Variants in RALYL observed in about 807,000 individuals in gnomAD.
RALYL encodes the protein RNA-binding Raly-like protein.
Under a neutral mutation model 35.1 loss-of-function variants are expected in RALYL, and 29 were observed. That is an observed-to-expected ratio of 0.83 (90% confidence interval 0.61 to 1.13). The LOEUF is 1.13. Ranked by LOEUF, RALYL falls within the 50% of genes most tolerant of loss-of-function variation. The pLI, the probability that RALYL is intolerant of heterozygous loss-of-function variation, is 0.00. For synonymous variants in RALYL, 120 were observed against 127.6 expected, an observed-to-expected ratio of 0.94 and a Z score of 0.40; for missense variants, 359 against 360.4, an observed-to-expected ratio of 1.00 and a Z score of 0.03.
intron 1 of RALYL, among the ~76,000 whole-genome samples, chr8:84,207,808 G>C (rs1165071106): frequency 7.2e-6 from 1 of 138,648 alleles, no homozygotes; most frequent in African/African-American, 2.8e-5. Flanking sequence ...ATGTGTGTGT[G>C]TGTGTGTGTG....
intron 1 of RALYL, among the ~76,000 whole-genome samples, chr8:84,512,625 G>T (rs751605561): frequency 6.6e-6 from 1 of 152,116 alleles, no homozygotes; most frequent in Admixed American, 6.6e-5. Context: ...GTCCAGGAGT[G>T]ATTCCCTTAT....
At chr8:84,560,748 G>A (rs551772971) in intron 2 of RALYL, among the ~76,000 whole-genome samples, 79 of 151,756 alleles carry the variant, frequency 5.2e-4, no homozygotes, top group Non-Finnish European at 8.7e-4. Flanking sequence ...CGGATGCTTG[G>A]GTTGACCACC....
chr8:84,767,217 C>T (rs1317807418), intron 2 of RALYL, among the ~76,000 whole-genome samples: 1 of 152,164 alleles, frequency 6.6e-6, no homozygotes, highest in African/African-American at 2.4e-5. Context: ...TTTGCTTCAT[C>T]TCATTTGCCT....
intron 2 of RALYL, among the ~76,000 whole-genome samples, chr8:84,688,898 G>C (rs60158016): frequency 6.6e-6 from 1 of 151,900 alleles, no homozygotes; most frequent in Admixed American, 6.6e-5. Flanking sequence ...TTAAGAAATG[G>C]TTAAAGGGAT....
chr8:84,703,959 G>A (rs1004886628), intron 2 of RALYL, among the ~76,000 whole-genome samples: 4 of 152,120 alleles, frequency 2.6e-5, no homozygotes, highest in African/African-American at 9.7e-5. Context: ...GAGAACTCAC[G>A]TAATGAGAGA....
chr8:84,839,420 G>A (rs1166630059), intron 4 of RALYL, among the ~76,000 whole-genome samples: 1 of 152,242 alleles, frequency 6.6e-6, no homozygotes, highest in East Asian at 1.9e-4. Context: ...GAAGCTGGGG[G>A]AGGGATGCCC....
intron 2 of RALYL, among the ~76,000 whole-genome samples, chr8:84,604,457 A>G (rs958832265): frequency 1.3e-5 from 2 of 152,132 alleles, no homozygotes; most frequent in South Asian, 2.1e-4. Flanking sequence ...AAATGTACTG[A>G]CAACTGTCCC....
At chr8:84,484,097 A>C (rs1456325038) in intron 1 of RALYL, among the ~76,000 whole-genome samples, 3 of 152,182 alleles carry the variant, frequency 2.0e-5, no homozygotes, top group African/African-American at 7.2e-5. Flanking sequence ...CTTAGAAATC[A>C]AGAGAAAAGG....
chr8:84,476,926 T>TG (rs1716926089), intron 1 of RALYL, among the ~76,000 whole-genome samples: 11 of 152,208 alleles, frequency 7.2e-5, no homozygotes, highest in Admixed American at 3.9e-4. Context: ...GACTCTGTTA[T>TG]ATCAGATTTT....
At chr8:84,387,259 G>A (rs542122772) in intron 1 of RALYL, among the ~76,000 whole-genome samples, 30 of 151,838 alleles carry the variant, frequency 2.0e-4, no homozygotes, top group African/African-American at 6.0e-4. Flanking sequence ...TCTGTAATCC[G>A]TATGTAATGA....
At chr8:84,210,244 A>C (rs10112178) in intron 1 of RALYL, among the ~76,000 whole-genome samples, 35,715 of 151,984 alleles carry the variant, frequency 0.23, 4,326 homozygotes, top group Non-Finnish European at 0.27. Context: ...ATATATGTAT[A>C]TTCTTAATTA....
chr8:84,759,658 T>G (rs766401273), intron 2 of RALYL, among the ~76,000 whole-genome samples: 1 of 152,214 alleles, frequency 6.6e-6, no homozygotes, highest in Non-Finnish European at 1.5e-5. Flanking sequence ...TGTGGTCTTA[T>G]GCAGGTTACT....
At chr8:84,514,572 G>T (rs764939619) in intron 1 of RALYL, among the ~76,000 whole-genome samples, 1 of 152,136 alleles carries the variant, frequency 6.6e-6, no homozygotes, top group South Asian at 2.1e-4. Context: ...GGTCTAGTTT[G>T]TTCCTTCCAA....
At chr8:84,715,559 A>G (rs1233215132) in intron 2 of RALYL, among the ~76,000 whole-genome samples, 1 of 152,052 alleles carries the variant, frequency 6.6e-6, no homozygotes, top group Non-Finnish European at 1.5e-5. Context: ...GGAAAGTTTT[A>G]CATAAATATA....
chr8:84,778,616 A>G (rs912946660), intron 3 of RALYL, among the ~76,000 whole-genome samples: 6 of 151,740 alleles, frequency 4.0e-5, no homozygotes, highest in African/African-American at 1.4e-4. Context: ...GAAGGGAAAG[A>G]GAGAGGGAAG....
At chr8:84,513,866 C>T (rs1051243258) in intron 1 of RALYL, among the ~76,000 whole-genome samples, 4 of 151,774 alleles carry the variant, frequency 2.6e-5, no homozygotes, top group African/African-American at 9.7e-5. Context: ...GAGGCCGAGG[C>T]AGGTGGATCA....
chr8:84,682,445 A>C (rs1026512622), intron 2 of RALYL, among the ~76,000 whole-genome samples: 3 of 152,214 alleles, frequency 2.0e-5, no homozygotes, highest in African/African-American at 7.2e-5. Flanking sequence ...CTCTGGTAGA[A>C]TTCGGCTGCG....
At chr8:84,428,225 T>C (rs1406901429) in intron 1 of RALYL, among the ~76,000 whole-genome samples, 4 of 152,158 alleles carry the variant, frequency 2.6e-5, no homozygotes, top group Non-Finnish European at 5.9e-5. Flanking sequence ...TAGTTATAGT[T>C]TTCTTTTGCT....
intron 2 of RALYL, among the ~76,000 whole-genome samples, chr8:84,734,998 GAT>G (rs1846962344): frequency 8.1e-6 from 1 of 123,664 alleles, no homozygotes; most frequent in South Asian, 2.8e-4. Context: ...GAAATATATA[GAT>G]ATGTTTGTGT....
Sources: allele counts gnomAD v4.1 joint callset (sites outside exome capture counted in the v4.1 genomes callset), GRCh38; gene constraint gnomAD v4.1.1; transcripts MANE v1.5; gene names NCBI Gene and HGNC (gene_info 2026-07-23, HGNC 2026-07-21).